Variants in FRYL observed in about 807,000 individuals in gnomAD.
FRYL encodes the protein FRY like transcription coactivator.
In FRYL, 150 loss-of-function variants were observed where a neutral mutation model predicts 351.2. That is an observed-to-expected ratio of 0.43 (90% CI 0.37 to 0.49). The LOEUF is 0.49. Among genes scored for constraint, FRYL ranks in the 20% least tolerant of loss-of-function variants. The pLI is 0.00. For missense variants in FRYL, 3,036 were observed against 3,619.3 expected, an observed-to-expected ratio of 0.84 and a Z score of 4.13; for synonymous variants, 1,153 against 1,257.1, an observed-to-expected ratio of 0.92 and a Z score of 1.75.
intron 3 of FRYL, among the ~76,000 whole-genome samples, chr4:48,639,975 A>C (rs1021660434): frequency 6.6e-6 from 1 of 152,176 alleles, no homozygotes; most frequent in African/African-American, 2.4e-5. Context: ...CTACATGCTG[A>C]TTAGAATGAC....
At chr4:48,661,789 T>C (rs549304998) in intron 3 of FRYL, among the ~76,000 whole-genome samples, 1 of 152,218 alleles carries the variant, frequency 6.6e-6, no homozygotes, top group Admixed American at 6.5e-5. Context: ...ATGACAGAGA[T>C]GACAGAATTG....
Position 48,557,510 on chromosome 4 carries a change from C to G in FRYL, c.4068G>C (p.Trp1356Cys). Residue 1356 changes from tryptophan to cysteine, a missense_variant, in exon 34 of 64, where the codon TGG (tryptophan) becomes TGC (cysteine). Trp to Cys is a radical substitution (Grantham distance 215, BLOSUM62 -2). This residue lies in a region of FRYL where 1,987 missense variants were observed against 2,311.7 expected (regional missense o/e 0.86). Transcript: ENST00000358350. ...TSRRWLRGEG[W>C]GSPQATAMVL... ...CCATTGCAGTGGCTTGTGGAGATCC[C>G]CATCCTTCTCCCCGTAACCAGCGCC... is the stretch of plus-strand genomic sequence containing the variant. 6.2e-7 allele frequency: 1 copy of G among 1,614,112 alleles called. No individual in the cohort carries two copies. Among genetic ancestry groups the G allele is most frequent in the Non-Finnish European group, 8.5e-7 (1 of 1,180,008 alleles).
chr4:48,694,620 G>A (rs1014633682), intron 2 of FRYL, among the ~76,000 whole-genome samples: 19 of 152,082 alleles, frequency 1.2e-4, no homozygotes, highest in Non-Finnish European at 2.6e-4. Context: ...TTAAAACCCA[G>A]TATACATATA....
Position 48,690,157 on chromosome 4 carries a change from G to A in FRYL, c.-203-5362C>T, listed in dbSNP as rs1342731490. Reference sequence around the variant, plus strand: ...CCTGACCTCGTGATCTGCCTGCCTCGGCCTCCCAAAGTGCTGGGATTTCAG... The same window carrying A: ...CCTGACCTCGTGATCTGCCTGCCTCAGCCTCCCAAAGTGCTGGGATTTCAG... On this transcript the variant is annotated intron_variant, in intron 2 of 63. Transcript: ENST00000358350. Among the ~76,000 whole-genome samples the A allele has an allele frequency of 3.3e-5, 5 of 151,426 alleles. No homozygotes were observed. In the South Asian group the frequency reaches 6.3e-4, roughly 19 times the overall value.
intron 1 of FRYL, among the ~76,000 whole-genome samples, chr4:48,765,438 G>C (rs982067125): frequency 1.3e-5 from 2 of 152,186 alleles, no homozygotes; most frequent in Non-Finnish European, 2.9e-5. Context: ...GGGAAAACTG[G>C]ATAGTCACAT....
At chr4:48,674,730 C>A (rs1326272426) in intron 3 of FRYL, among the ~76,000 whole-genome samples, 1 of 12,010 alleles carries the variant, frequency 8.3e-5, no homozygotes, top group African/African-American at 3.2e-4. Context: ...GAGCAAGACT[C>A]TGTCTCAAAA....
intron 35 of FRYL, among the ~76,000 whole-genome samples, chr4:48,555,538 C>A (rs1287938844): frequency 6.6e-6 from 1 of 152,214 alleles, no homozygotes; most frequent in East Asian, 1.9e-4. Flanking sequence ...GAAGGAGGAC[C>A]TGAAAGAGGT....
intron 3 of FRYL, among the ~76,000 whole-genome samples, chr4:48,664,599 T>C (rs1374984768): frequency 2.0e-5 from 3 of 152,198 alleles, no homozygotes; most frequent in African/African-American, 4.8e-5. Context: ...GTCTAGGCTA[T>C]ATATTAATAA....
intron 7 of FRYL, among the ~76,000 whole-genome samples, chr4:48,612,154 C>A (rs1748332588): frequency 6.6e-6 from 1 of 152,082 alleles, no homozygotes; most frequent in African/African-American, 2.4e-5. Context: ...GAAGCCCAAA[C>A]CTTTTTCCTT....
intron 4 of FRYL, among the ~76,000 whole-genome samples, chr4:48,627,288 T>C (rs1486606527): frequency 2.6e-5 from 4 of 152,158 alleles, no homozygotes; most frequent in African/African-American, 9.7e-5. Flanking sequence ...ATTTGACTTA[T>C]TTGATCCCCC....
rs111549636 is a variant in FRYL at position 48,626,033 on chromosome 4, A to G, written c.121-2854T>C. ...ATGACATGTTCTCATCCTTAAACTC[A>G]AGGGTTGCTGCTGGGGTTTCTAGTA... On this transcript the variant is annotated intron_variant, in intron 4 of 63. Coordinates refer to ENST00000358350, the MANE Select transcript of FRYL (RefSeq NM_015030.2). 6.2e-3 allele frequency among the ~76,000 whole-genome samples: 937 copies of G among 152,256 alleles called. 12 individuals are homozygous for G. Among genetic ancestry groups the G allele is most frequent in the African/African-American group, 0.021 (879 of 41,572 alleles).
intron 41 of FRYL, 99 bp from the exon 42 acceptor site, chr4:48,546,370 T>A (rs1731337730): frequency 2.3e-6 from 2 of 884,680 alleles, no homozygotes; most frequent in South Asian, 1.6e-5. Context: ...ATGGGACACA[T>A]GAGGCAATCT....
chr4:48,617,584 TC>T (rs1329022534), intron 7 of FRYL: 1 of 151,710 alleles, frequency 6.6e-6, no homozygotes. Flanking sequence ...TGTTTATAGG[TC>T]TTTTTTTTTC....
chr4:48,640,951 A>C (rs913505534), intron 3 of FRYL, among the ~76,000 whole-genome samples: 1 of 152,198 alleles, frequency 6.6e-6, no homozygotes, highest in African/African-American at 2.4e-5. Context: ...CAAAGACAGG[A>C]AACAGTTTAT....
chr4:48,524,653 C>T (rs1269542008), intron 53 of FRYL, among the ~76,000 whole-genome samples: 1 of 152,120 alleles, frequency 6.6e-6, no homozygotes, highest in East Asian at 1.9e-4. Context: ...GCGTGCTCCA[C>T]CCCACCCCTG....
rs539587906 is a variant in FRYL at position 48,569,157 on chromosome 4, C to T, written c.2996+1670G>A. On this transcript the variant is annotated intron_variant, in intron 27 of 63. Transcript: ENST00000358350. The stretch of plus-strand genomic sequence containing the variant: ...ATAGAACCATTCAAAGATTCTTCTA[C>T]GAATGCTACAATTAAAGCAACCAAA... Among the ~76,000 whole-genome samples, 501 of 152,252 alleles carry T rather than the reference C, an allele frequency of 3.3e-3. 5 individuals are homozygous for T. The highest frequency in any genetic ancestry group is 5.2e-3 in the Non-Finnish European group (354 of 68,018).
intron 1 of FRYL, among the ~76,000 whole-genome samples, chr4:48,759,128 G>A (rs1479621191): frequency 2.6e-5 from 4 of 152,106 alleles, no homozygotes; most frequent in Admixed American, 2.6e-4. Flanking sequence ...TATACCTAAT[G>A]TAAATGACGA....
At chr4:48,642,333 C>A (rs1755501289) in intron 3 of FRYL, among the ~76,000 whole-genome samples, 1 of 152,086 alleles carries the variant, frequency 6.6e-6, no homozygotes, top group African/African-American at 2.4e-5. Context: ...ATCTGACACA[C>A]CTCCATTAAC....
intron 1 of FRYL, among the ~76,000 whole-genome samples, chr4:48,774,848 G>C (rs1560385169): frequency 6.6e-6 from 1 of 152,050 alleles, no homozygotes; most frequent in Non-Finnish European, 1.5e-5. Flanking sequence ...TCCAGCCAAT[G>C]ATTTTTCAAA....
Sources: gnomAD v4.1 joint callset for allele counts (sites outside exome capture counted in the v4.1 genomes callset) on GRCh38, gnomAD v4.1.1 for gene constraint, gnomAD v4.1.1 regional missense constraint, MANE v1.5 for transcripts, NCBI Gene and HGNC (gene_info 2026-07-23, HGNC 2026-07-21) for gene names.